The following C10orf90 variants were observed in gnomAD, a reference collection of about 807,000 sequenced individuals.
C10orf90 encodes the protein (E2-independent) E3 ubiquitin-conjugating enzyme FATS.
In C10orf90, 56 loss-of-function variants were observed where a neutral mutation model predicts 62.5. The observed-to-expected ratio is 0.90, with a 90% CI of 0.72 to 1.12. C10orf90 has a LOEUF of 1.12. C10orf90 is among the 50% of genes most tolerant of loss of function. The pLI, the probability that C10orf90 is intolerant of heterozygous loss-of-function variation, is 0.00. For missense variants in C10orf90, 970 were observed against 880.4 expected (o/e 1.10, Z -1.29); for synonymous variants, 386 against 340.4 (o/e 1.13, Z -1.47).
intron 1 of C10orf90, among the ~76,000 whole-genome samples, chr10:126,649,601 C>A (rs1212753673): frequency 6.6e-6 from 1 of 152,222 alleles, no homozygotes. Context: ...GCCTTCAAAC[C>A]AAGGTCAGGT....
At chr10:126,523,391 A>C (rs751487108) in intron 2 of C10orf90, 3 of 152,262 alleles carry the variant, frequency 2.0e-5, no homozygotes, top group Non-Finnish European at 4.4e-5. Flanking sequence ...ATTTATGGAG[A>C]AGATAGCACT....
At chr10:126,546,504 C>A (rs1864495047) in intron 2 of C10orf90, among the ~76,000 whole-genome samples, 1 of 152,156 alleles carries the variant, frequency 6.6e-6, no homozygotes, top group African/African-American at 2.4e-5. Context: ...TACCACCCAC[C>A]AGTGATAACA....
At chr10:126,485,991 A>G (rs1861418668) in intron 4 of C10orf90, among the ~76,000 whole-genome samples, 1 of 152,104 alleles carries the variant, frequency 6.6e-6, no homozygotes, top group Non-Finnish European at 1.5e-5. Context: ...GACATGTTTA[A>G]AAATATATGG....
intron 2 of C10orf90, among the ~76,000 whole-genome samples, chr10:126,585,916 A>T (rs377614468): frequency 5.8e-4 from 89 of 152,314 alleles, no homozygotes; most frequent in South Asian, 3.5e-3. Context: ...CCACAGAATA[A>T]GAAGTCTTCC....
chr10:126,626,026 G>A (rs1218808779), intron 2 of C10orf90, among the ~76,000 whole-genome samples: 1 of 152,054 alleles, frequency 6.6e-6, no homozygotes, highest in Non-Finnish European at 1.5e-5. Flanking sequence ...CTACTTGGGA[G>A]GCTGAGGCAG....
intron 2 of C10orf90, among the ~76,000 whole-genome samples, chr10:126,599,444 C>T (rs982282036): frequency 2.6e-5 from 4 of 151,796 alleles, no homozygotes; most frequent in Non-Finnish European, 5.9e-5. Flanking sequence ...TCGTGATCCA[C>T]CTGCCTCGGC....
chr10:126,508,159 G>GAGAGAGAGAA (rs1491537418), intron 3 of C10orf90, among the ~76,000 whole-genome samples: 765 of 10,562 alleles, frequency 0.072, 10 homozygotes, highest in African/African-American at 0.16. Context: ...ATGAGTGAGT[G>GAGAGAGAGAA]AGAGAGAGAG....
intron 7 of C10orf90, among the ~76,000 whole-genome samples, chr10:126,436,231 G>T (rs1345046597): frequency 6.6e-6 from 1 of 152,156 alleles, no homozygotes; most frequent in Non-Finnish European, 1.5e-5. Context: ...CCTGTCAGTT[G>T]CCCAAAACAT....
intron 4 of C10orf90, among the ~76,000 whole-genome samples, chr10:126,499,470 G>A (rs1862258455): frequency 6.6e-6 from 1 of 152,178 alleles, no homozygotes; most frequent in Non-Finnish European, 1.5e-5. Flanking sequence ...AGTAAAAAAA[G>A]TCCTCATGGG....
At chr10:126,476,699 T>A (rs551791598) in intron 4 of C10orf90, among the ~76,000 whole-genome samples, 4 of 152,160 alleles carry the variant, frequency 2.6e-5, no homozygotes, top group Non-Finnish European at 5.9e-5. Flanking sequence ...ACTTCCGGAG[T>A]TATTTCTCTT....
At chr10:126,581,614 T>C (rs1844754016) in intron 2 of C10orf90, among the ~76,000 whole-genome samples, 1 of 152,172 alleles carries the variant, frequency 6.6e-6, no homozygotes, top group South Asian at 2.1e-4. Context: ...GGCATAAAAC[T>C]GATGTCTGGA....
intron 1 of C10orf90, among the ~76,000 whole-genome samples, chr10:126,655,546 G>A (rs1846376017): frequency 6.6e-6 from 1 of 152,094 alleles, no homozygotes; most frequent in African/African-American, 2.4e-5. Context: ...AAAGTAAAGT[G>A]CAATAGAATG....
chr10:126,661,031 T>A lies in C10orf90; in HGVS notation c.240+9210A>T, dbSNP rs570487914. Reference sequence around the variant, plus strand: ...AAATGTCATTAACTTGGAAAACTTTTAGCCATTATTTCTTCAAATCTTTTT... The same window carrying A: ...AAATGTCATTAACTTGGAAAACTTTAAGCCATTATTTCTTCAAATCTTTTT... On this transcript the variant is annotated intron_variant, in intron 1 of 9. Transcript: ENST00000488181. Among the ~76,000 whole-genome samples the A allele has an allele frequency of 8.0e-4, 122 of 152,350 alleles. 1 individual carries two copies. The highest frequency in any genetic ancestry group is 1.2e-3 in the Non-Finnish European group (82 of 68,036).
chr10:126,511,347 C>CAAG (rs1337270082), intron 3 of C10orf90, among the ~76,000 whole-genome samples: 22 of 152,140 alleles, frequency 1.4e-4, no homozygotes, highest in Non-Finnish European at 1.5e-5. Flanking sequence ...ATTCTTCCCC[C>CAAG]AATTTTTAAC....
intron 9 of C10orf90, 26 bp from the exon 10 acceptor site, chr10:126,425,928 T>A: frequency 6.2e-7 from 1 of 1,614,012 alleles, no homozygotes; most frequent in Non-Finnish European, 8.5e-7. Context: ...AACAAAGATG[T>A]CAAGTTGAGA....
chr10:126,597,749 T>C (rs1845115422), intron 2 of C10orf90, among the ~76,000 whole-genome samples: 1 of 152,216 alleles, frequency 6.6e-6, no homozygotes, highest in African/African-American at 2.4e-5. Flanking sequence ...GAAATTATTC[T>C]ACTCATCCCT....
At chr10:126,573,178 T>C (rs1435077436) in intron 2 of C10orf90, among the ~76,000 whole-genome samples, 2 of 152,036 alleles carry the variant, frequency 1.3e-5, no homozygotes, top group Non-Finnish European at 2.9e-5. Context: ...AGAGGGTCCA[T>C]GTGAGAGGGT....
intron 5 of C10orf90, among the ~76,000 whole-genome samples, chr10:126,462,903 C>T (rs1012360150): frequency 3.9e-5 from 6 of 152,166 alleles, no homozygotes; most frequent in African/African-American, 1.4e-4. Flanking sequence ...TTGCAGCTGT[C>T]GCTTTGGAGT....
intron 2 of C10orf90, among the ~76,000 whole-genome samples, chr10:126,525,034 G>A (rs570497679): frequency 6.6e-6 from 1 of 152,298 alleles, no homozygotes; most frequent in East Asian, 1.9e-4. Flanking sequence ...GGACAAGAGT[G>A]GCCAGAAAGA....
Sources: allele counts gnomAD v4.1 joint callset (sites outside exome capture counted in the v4.1 genomes callset), GRCh38; gene constraint gnomAD v4.1.1; transcripts MANE v1.5; gene names NCBI Gene and HGNC (gene_info 2026-07-23, HGNC 2026-07-21).